The following BTK variants were observed in gnomAD, a reference collection of about 807,000 sequenced individuals.
BTK encodes the protein tyrosine-protein kinase BTK.
BTK carries 5 observed loss-of-function variants against 57.4 expected under a neutral mutation model. The ratio of observed to expected loss-of-function variants is 0.09; its 90% confidence interval spans 0.05 to 0.18. BTK has a LOEUF of 0.18. Among genes scored for constraint, BTK ranks in the 10% least tolerant of loss-of-function variants. The pLI is 1.00. For synonymous variants in BTK, 154 were observed against 174.3 expected, an observed-to-expected ratio of 0.88 and a Z score of 0.92; for missense variants, 194 against 501.2, an observed-to-expected ratio of 0.39 and a Z score of 5.85.
chrX:101,363,035 A>G (rs1443016726), intron 5 of BTK, among the ~76,000 whole-genome samples: 7 of 112,379 alleles, frequency 6.2e-5, no homozygotes, highest in African/African-American at 2.3e-4. Context: ...AGTGTTTCCC[A>G]GATAAGGGAA....
intron 1 of BTK, among the ~76,000 whole-genome samples, chrX:101,376,855 C>T (rs1927231383): frequency 9.0e-6 from 1 of 110,508 alleles, no homozygotes; most frequent in African/African-American, 3.3e-5. Flanking sequence ...GATTATTGCT[C>T]ACACTAGGAA....
chrX:101,379,833 TGG>T (rs1927353228), intron 1 of BTK, among the ~76,000 whole-genome samples: 1 of 112,233 alleles, frequency 8.9e-6, no homozygotes, highest in African/African-American at 3.2e-5. Context: ...TCCTCCAGGC[TGG>T]TAAGGATGAT....
chrX:101,354,872 C>T (rs782776780), intron 15 of BTK, among the ~76,000 whole-genome samples, 178 bp from the exon 16 acceptor site: 3 of 112,067 alleles, frequency 2.7e-5, no homozygotes, highest in African/African-American at 6.5e-5. Context: ...ATTTCCACCA[C>T]GTGGAAAGCA....
chrX:101,364,827 C>T (rs1926798785), intron 5 of BTK, among the ~76,000 whole-genome samples: 1 of 110,499 alleles, frequency 9.0e-6, no homozygotes, highest in Non-Finnish European at 1.9e-5. Flanking sequence ...CTGTAACCTC[C>T]ACCTCCTGGG....
chrX:101,359,486 G>A, intron 9 of BTK, 139 bp from the exon 10 acceptor site: 1 of 631,309 alleles, frequency 1.6e-6, no homozygotes, highest in Non-Finnish European at 2.7e-6. Context: ...CATGTGCATA[G>A]CACACTGTAT....
intron 3 of BTK, 118 bp from the exon 4 acceptor site, chrX:101,371,819 G>T: frequency 1.7e-6 from 1 of 572,487 alleles, no homozygotes; most frequent in Non-Finnish European, 3.0e-6. Context: ...AGACAAGGCT[G>T]ATTCTTAGTG....
intron 16 of BTK, 92 bp from the exon 17 acceptor site, chrX:101,354,080 C>T (rs1926387135): frequency 1.5e-6 from 1 of 650,416 alleles, no homozygotes; most frequent in African/African-American, 2.2e-5. Context: ...GTCACAAACA[C>T]ACACAGGCTT....
chrX:101,360,284 A>C, intron 8 of BTK, 134 bp from the exon 9 acceptor site: 1 of 556,946 alleles, frequency 1.8e-6, no homozygotes. Flanking sequence ...CCTCAAAGAC[A>C]ATCATGTCTC....
Position 101,360,768 on chromosome X carries a change from G to A in BTK, c.589-13C>T. Reference sequence around the variant, plus strand: ...GCTTTTTCAAGATCTATGTAGTTAGGAGAAAAGGTAGGAGGGTTTGTCAAG... The same window carrying A: ...GCTTTTTCAAGATCTATGTAGTTAGAAGAAAAGGTAGGAGGGTTTGTCAAG... On this transcript the variant is annotated splice_polypyrimidine_tract_variant and intron_variant, in intron 7 of 18. Coordinates refer to ENST00000308731, the MANE Select transcript of BTK (RefSeq NM_000061.3). The A allele has an allele frequency of 1.7e-6, 2 of 1,205,769 alleles. No individual in the cohort carries two copies. The highest frequency in any genetic ancestry group is 1.7e-5 in the African/African-American group (1 of 57,479).
intron 1 of BTK, among the ~76,000 whole-genome samples, chrX:101,375,619 G>A (rs1340277541): frequency 8.9e-6 from 1 of 112,429 alleles, no homozygotes; most frequent in Non-Finnish European, 1.9e-5. Flanking sequence ...AGGTGTAGAG[G>A]TAGCTTTACA....
At chrX:101,367,220 G>T (rs113306929) in intron 5 of BTK, among the ~76,000 whole-genome samples, 1,358 of 105,571 alleles carry the variant, frequency 0.013, 26 homozygotes, top group African/African-American at 0.046. Flanking sequence ...CTCCAGCCTG[G>T]GCAACAGAGT....
At chrX:101,358,162 T>C (rs781888739) in intron 12 of BTK, 148 bp downstream of exon 12, 20 of 909,277 alleles carry the variant, frequency 2.2e-5, no homozygotes, top group Non-Finnish European at 3.0e-5. Context: ...TGACCACCTC[T>C]TTACCAGCTT....
intron 1 of BTK, among the ~76,000 whole-genome samples, chrX:101,375,655 A>G (rs782126102): frequency 1.3e-4 from 15 of 112,925 alleles, no homozygotes; most frequent in African/African-American, 4.8e-4. Context: ...TGATATGTGT[A>G]GAATCTGTGA....
rs1555981651 is a variant in BTK, at chrX:101,380,875, CCA to C, written c.-31+5185_-31+5186del. 5.5e-3 allele frequency among the ~76,000 whole-genome samples: 580 copies of C among 106,102 alleles called. 8 individuals carry two copies. The highest frequency in any genetic ancestry group is 0.02 in the African/African-American group (559 of 28,126). The allele number at this position is 106,102 out of a possible 115,157, so 92.1% of individuals were successfully genotyped here. On this transcript the variant is annotated intron_variant, in intron 1 of 18. Transcript: ENST00000308731. ...ACTAAAAATACAAAAACTAGCTGGGCCAACGCTACTCTCCCAGCTACTCAGGA... is the reference window on the plus strand; with the variant it reads ...ACTAAAAATACAAAAACTAGCTGGGCACGCTACTCTCCCAGCTACTCAGGA...
At chrX:101,367,568 G>A (rs1603014837) in intron 5 of BTK, among the ~76,000 whole-genome samples, 1 of 109,418 alleles carries the variant, frequency 9.1e-6, no homozygotes, top group African/African-American at 3.3e-5. Context: ...CTCGGGAGGC[G>A]GAGGTTGCAG....
chrX:101,371,619 A>C lies in BTK; in HGVS notation c.309+14T>G. On this transcript the variant is annotated intron_variant, in intron 4 of 18. Transcript: ENST00000308731. ...CAGGGGCCTTTCGAGATTTGGTGAG[A>C]GAAAATAACTCACCTGGAAGGGATA... The C allele has an allele frequency of 8.3e-7, 1 of 1,203,947 alleles. No individual in the cohort carries two copies. The highest frequency in any genetic ancestry group is 1.1e-6 in the Non-Finnish European group (1 of 888,394).
At chrX:101,374,727 T>A in intron 2 of BTK, 93 bp from the exon 3 acceptor site, 1 of 785,240 alleles carries the variant, frequency 1.3e-6, no homozygotes, top group Non-Finnish European at 1.9e-6. Flanking sequence ...TTCAACAAAG[T>A]GAGGTGGCAC....
intron 6 of BTK, 78 bp downstream of exon 6, chrX:101,362,483 C>T (rs1681143174): frequency 1.7e-6 from 2 of 1,191,544 alleles, no homozygotes; most frequent in Non-Finnish European, 2.3e-6. Flanking sequence ...TATGCTATGA[C>T]CCTGGGCTTG....
chrX:101,353,127 GAATGGCCAGCTA>G, intron 18 of BTK, 55 bp downstream of exon 18: 1 of 1,033,955 alleles, frequency 9.7e-7, no homozygotes, highest in Non-Finnish European at 1.3e-6. Context: ...TTTGGTGGCT[GAATGGCCAGCTA>G]AATGGGCAAG....
Sources: allele counts gnomAD v4.1 joint callset (sites outside exome capture counted in the v4.1 genomes callset), GRCh38; gene constraint gnomAD v4.1.1; transcripts MANE v1.5; gene names NCBI Gene and HGNC (gene_info 2026-07-23, HGNC 2026-07-21).